Variants in PTPN12 observed in about 807,000 individuals in gnomAD.
PTPN12 encodes the protein protein tyrosine phosphatase non-receptor type 12.
PTPN12 carries 29 observed loss-of-function variants against 97.6 expected under a neutral mutation model. The observed-to-expected ratio is 0.30, with a 90% CI of 0.22 to 0.41. The LOEUF (loss-of-function observed/expected upper bound fraction) is 0.41. Ranked by LOEUF, PTPN12 falls within the 10% of genes least tolerant of loss-of-function variation. The probability of loss-of-function intolerance (pLI) is 1.00; values close to 1 mark genes in which losing one functional copy is unlikely to be tolerated. For synonymous variants in PTPN12, 327 were observed against 300.4 expected (o/e 1.09, Z -0.91); for missense variants, 819 against 926.0 (o/e 0.88, Z 1.50).
intron 1 of PTPN12, among the ~76,000 whole-genome samples, chr7:77,564,776 T>TTTA (rs1808185867): frequency 7.5e-6 from 1 of 134,114 alleles, no homozygotes; most frequent in Non-Finnish European, 1.6e-5. Flanking sequence ...TTTTTTTTTT[T>TTTA]GAGACGGAAT....
rs1270052602 is a variant in PTPN12 at position 77,621,894 on chromosome 7, AT to A, written c.1025+3330del. Among the ~76,000 whole-genome samples, 3 of 152,346 alleles carry A rather than the reference AT, an allele frequency of 2.0e-5. No homozygotes were observed. In the East Asian group the frequency reaches 5.8e-4, roughly 29 times the overall value. ...GGGGCCACCATGTTATGTGTGGCCC[AT>A]CATTGACTGAAACGTCACATGACTG... On this transcript the variant is annotated intron_variant, in intron 12 of 17. Transcript: ENST00000248594.
intron 12 of PTPN12, among the ~76,000 whole-genome samples, chr7:77,625,867 G>A (rs1223066214): frequency 6.6e-6 from 1 of 151,826 alleles, no homozygotes; most frequent in Non-Finnish European, 1.5e-5. Context: ...ACCATGCCTG[G>A]CCCCTATTTC....
At chr7:77,545,378 G>A (rs1807167052) in intron 1 of PTPN12, among the ~76,000 whole-genome samples, 1 of 152,046 alleles carries the variant, frequency 6.6e-6, no homozygotes, top group Admixed American at 6.5e-5. Flanking sequence ...GGGCTGCACT[G>A]GAAGCATGGT....
At chr7:77,548,219 A>G (rs1274542290) in intron 1 of PTPN12, among the ~76,000 whole-genome samples, 1 of 152,212 alleles carries the variant, frequency 6.6e-6, no homozygotes, top group Non-Finnish European at 1.5e-5. Context: ...AAGAAATTAC[A>G]TTTAAAAAGC....
chr7:77,549,417 A>C (rs1217498859), intron 1 of PTPN12, among the ~76,000 whole-genome samples: 2 of 152,200 alleles, frequency 1.3e-5, no homozygotes, highest in African/African-American at 4.8e-5. Flanking sequence ...TTAGACATTA[A>C]ACATCAGGCA....
At chr7:77,570,967 G>A (rs1744555137) in intron 1 of PTPN12, 111 bp from the exon 2 acceptor site, 1 of 620,134 alleles carries the variant, frequency 1.6e-6, no homozygotes, top group Admixed American at 3.9e-5. Flanking sequence ...GAAATTAAGA[G>A]CTAAGAGACA....
chr7:77,583,977 C>T (rs1367997880), intron 4 of PTPN12, among the ~76,000 whole-genome samples: 1 of 152,190 alleles, frequency 6.6e-6, no homozygotes, highest in African/African-American at 2.4e-5. Flanking sequence ...CAGTTATACT[C>T]ATTTGAGTCC....
chr7:77,594,563 G>A (rs184240477), intron 6 of PTPN12, among the ~76,000 whole-genome samples: 9 of 152,270 alleles, frequency 5.9e-5, no homozygotes, highest in African/African-American at 2.2e-4. Context: ...CCAGGTTGGA[G>A]TGCAGTGGTC....
chr7:77,624,345 TATG>T (rs1378405778), intron 12 of PTPN12, among the ~76,000 whole-genome samples: 1 of 152,192 alleles, frequency 6.6e-6, no homozygotes, highest in Non-Finnish European at 1.5e-5. Flanking sequence ...GTCATTTTAA[TATG>T]ATCAGTATTC....
intron 2 of PTPN12, among the ~76,000 whole-genome samples, chr7:77,576,752 G>A (rs1335656442): frequency 6.6e-6 from 1 of 152,110 alleles, no homozygotes; most frequent in Non-Finnish European, 1.5e-5. Flanking sequence ...GTTCTTTCTC[G>A]CTACTTCTAG....
chr7:77,592,381 C>A (rs959002008), intron 6 of PTPN12, 125 bp downstream of exon 6: 5 of 759,032 alleles, frequency 6.6e-6, no homozygotes, highest in Non-Finnish European at 9.9e-6. Context: ...CCTATGCTTA[C>A]ATTTAAAAAA....
intron 6 of PTPN12, among the ~76,000 whole-genome samples, chr7:77,593,284 AAT>A (rs1787924060): frequency 7.0e-6 from 1 of 143,530 alleles, no homozygotes; most frequent in Non-Finnish European, 1.5e-5. Flanking sequence ...AAAAAAAAAA[AAT>A]TAATGAATTT....
At position 77,618,474 on chromosome 7, in the gene PTPN12, TGGCAGA is replaced by T; in HGVS notation, c.940-5_940del. On this transcript the variant is annotated splice_acceptor_variant and splice_polypyrimidine_tract_variant and coding_sequence_variant and intron_variant, in exon 12 of 18. Coordinates refer to ENST00000248594, the MANE Select transcript of PTPN12 (RefSeq NM_002835.4). LOFTEE classifies it high-confidence loss of function. Reference sequence around the variant, plus strand: ...AACCTTAGTGAAGTATTTTTTCCCTTGGCAGAATGAAATTAACACTGAAAACATGGT... The same window carrying T: ...AACCTTAGTGAAGTATTTTTTCCCTTATGAAATTAACACTGAAAACATGGT... The T allele has an allele frequency of 1.3e-6, 2 of 1,566,486 alleles. No homozygotes were observed. Among genetic ancestry groups the T allele is most frequent in the Non-Finnish European group, 8.7e-7 (1 of 1,148,222 alleles).
intron 11 of PTPN12, among the ~76,000 whole-genome samples, chr7:77,615,448 C>T (rs976797470): frequency 6.6e-6 from 1 of 152,062 alleles, no homozygotes; most frequent in Non-Finnish European, 1.5e-5. Context: ...CTGTTTAAAA[C>T]AAGAGAACAC....
chr7:77,598,684 AAAAAT>A (rs1311396014), intron 7 of PTPN12, among the ~76,000 whole-genome samples: 2 of 152,158 alleles, frequency 1.3e-5, no homozygotes, highest in East Asian at 1.9e-4. Flanking sequence ...CTCTGTCTCA[AAAAAT>A]AAAATAAAAA....
At chr7:77,571,385 TGTAA>T (rs749384979) in intron 2 of PTPN12, among the ~76,000 whole-genome samples, 199 bp downstream of exon 2, 8 of 152,348 alleles carry the variant, frequency 5.3e-5, no homozygotes, top group South Asian at 4.1e-4. Flanking sequence ...ATTTTTTTCC[TGTAA>T]GTATCACAGT....
intron 1 of PTPN12, among the ~76,000 whole-genome samples, chr7:77,556,848 A>T (rs1418641670): frequency 6.6e-6 from 1 of 152,040 alleles, no homozygotes; most frequent in African/African-American, 2.4e-5. Flanking sequence ...AAATAAAAAT[A>T]CAAAAAAAGG....
chr7:77,609,219 C>T (rs1168800537), intron 9 of PTPN12, among the ~76,000 whole-genome samples: 1 of 148,396 alleles, frequency 6.7e-6, no homozygotes, highest in Non-Finnish European at 1.5e-5. Context: ...GACTCCGTCT[C>T]AAAAAATAAA....
chr7:77,627,917 A>G (rs1389959346), intron 13 of PTPN12, among the ~76,000 whole-genome samples: 1 of 152,096 alleles, frequency 6.6e-6, no homozygotes, highest in Non-Finnish European at 1.5e-5. Flanking sequence ...TGGATAACTT[A>G]TTTTCTTTTT....
Sources: gnomAD v4.1 joint callset for allele counts (sites outside exome capture counted in the v4.1 genomes callset) on GRCh38, gnomAD v4.1.1 for gene constraint, MANE v1.5 for transcripts, NCBI Gene and HGNC (gene_info 2026-07-23, HGNC 2026-07-21) for gene names.